The following CDH15 variants were observed in gnomAD, a reference collection of about 807,000 sequenced individuals.
CDH15 encodes cadherin-15.
CDH15 carries 73 observed loss-of-function variants against 69.4 expected under a neutral mutation model. The ratio of observed to expected loss-of-function variants is 1.05; its 90% CI spans 0.87 to 1.28. CDH15 has a LOEUF of 1.28. Among genes scored for constraint, CDH15 ranks in the 50% most tolerant of loss-of-function variants. The pLI, the probability that CDH15 is intolerant of heterozygous loss-of-function variation, is 0.00. For missense variants in CDH15, 1,343 were observed against 1,133.6 expected (o/e 1.18, Z -2.65); for synonymous variants, 624 against 507.7 (o/e 1.23, Z -3.08).
chr16:89,194,014 G>A (rs1915727892), intron 13 of CDH15, 101 bp downstream of exon 13: 1 of 1,344,746 alleles, frequency 7.4e-7, no homozygotes, highest in Non-Finnish European at 1.0e-6. Flanking sequence ...ACCGGCGCCT[G>A]CATGCACTTA....
intron 10 of CDH15, 80 bp from the exon 11 acceptor site, chr16:89,192,125 A>T (rs1352131132): frequency 8.9e-6 from 13 of 1,452,764 alleles, no homozygotes; most frequent in Non-Finnish European, 1.2e-5. Context: ...CGGGATCCCC[A>T]CCCTGTCTCG....
rs770080908 is a variant in CDH15 at position 89,180,974 on chromosome 16, C to CTTTTTTTTTTTTTTTTTTTTTT, written c.357+632_357+633insTTTTTTTTTTTTTTTTTTTTTT. Among the ~76,000 whole-genome samples the CTTTTTTTTTTTTTTTTTTTTTT allele has an allele frequency of 4.2e-4, 41 of 96,984 alleles. 7 individuals carry two copies. The highest frequency in any genetic ancestry group is 1.9e-3 in the East Asian group (4 of 2,128). The allele number at this position is 96,984 out of a possible 152,430, so 63.6% of individuals were successfully genotyped here. A position where few individuals can be genotyped will look rare whatever the true frequency, so the allele number is the denominator to read the frequency against. ...TCCTGAGTGAGCCACCGCGCCCGACCTTTTTTTTTTTTTGAGATGGAGCTT... is the reference window on the plus strand; with the variant it reads ...TCCTGAGTGAGCCACCGCGCCCGACCTTTTTTTTTTTTTTTTTTTTTTTTTTTTTTTTTTTGAGATGGAGCTT... On this transcript the variant is annotated intron_variant, in intron 3 of 13. Coordinates refer to ENST00000289746, the MANE Select transcript of CDH15 (RefSeq NM_004933.3).
intron 1 of CDH15, among the ~76,000 whole-genome samples, chr16:89,175,538 G>T (rs369316049): frequency 4.6e-5 from 7 of 152,358 alleles, no homozygotes; most frequent in African/African-American, 1.7e-4. Flanking sequence ...ACCACCACAG[G>T]CTCCCGGGGG....
At chr16:89,191,968 G>T (rs1915657279) in intron 10 of CDH15, 74 bp downstream of exon 10, 1 of 1,418,256 alleles carries the variant, frequency 7.1e-7, no homozygotes, top group Non-Finnish European at 9.5e-7. Flanking sequence ...CTCGGACGGG[G>T]GCAGGAGGGT....
rs772048487 is a variant in CDH15, at chr16:89,179,414, A to G, written c.43-2A>G. The G allele has an allele frequency of 1.7e-5, 28 of 1,613,434 alleles. No homozygotes were observed. The Admixed American group carries it at 3.8e-4, about 22-fold the overall frequency. On this transcript the variant is annotated splice_acceptor_variant, in intron 1 of 13. Transcript: ENST00000289746. LOFTEE classifies it high-confidence loss of function. ...TGTGGGACGCATCTGTCTTTGTTGCAGAGCCTCTGCCTGTCTTTGGGGGTT... is the reference window on the plus strand; with the variant it reads ...TGTGGGACGCATCTGTCTTTGTTGCGGAGCCTCTGCCTGTCTTTGGGGGTT...
intron 8 of CDH15, 56 bp downstream of exon 8, chr16:89,190,552 T>C: frequency 2.6e-6 from 4 of 1,551,626 alleles, no homozygotes; most frequent in Non-Finnish European, 3.5e-6. Context: ...CCATTCCTGC[T>C]TCGGGTGCCC....
Position 89,191,765 on chromosome 16 carries a change from C to A in CDH15, c.1486C>A (p.His496Asn). 6.2e-7 allele frequency: 1 copy of A among 1,606,666 alleles called. No homozygotes were observed. Among genetic ancestry groups the A allele is most frequent in the South Asian group, 1.1e-5 (1 of 91,038 alleles). The change falls in exon 10 of 14, where the codon CAC becomes AAC. Residue 496 changes from histidine (H) to asparagine (N), a missense_variant. Transcript: ENST00000289746. ...GCCGGGCAGCCTGTGCAGCGAGCCA[C>A]ACCAAGGCCCAGGCCTCCTCCTGGG... ...PPPGSLCSEP[H>N]QGPGLLLGAT... is the part of the protein sequence containing the mutation.
At chr16:89,172,798 C>T (rs113693994) in intron 1 of CDH15, among the ~76,000 whole-genome samples, 7,713 of 152,256 alleles carry the variant, frequency 0.051, 261 homozygotes, top group East Asian at 0.14. Context: ...GTGGTTGGGA[C>T]GTCACTGGGT....
chr16:89,182,455 A>G (rs1349041379), intron 3 of CDH15, among the ~76,000 whole-genome samples: 4 of 150,992 alleles, frequency 2.6e-5, no homozygotes, highest in Non-Finnish European at 5.9e-5. Context: ...AGTCTGGCCA[A>G]CATGGCAAAA....
At chr16:89,188,814 G>GCA (rs1295808241) in intron 7 of CDH15, among the ~76,000 whole-genome samples, 1 of 89,518 alleles carries the variant, frequency 1.1e-5, no homozygotes, top group African/African-American at 4.6e-5. Flanking sequence ...ACACATGCTG[G>GCA]CACACAGATG....
In CDH15 at chr16:89,187,562, T is replaced by G; in HGVS notation, c.792+5T>G. 1 of 1,613,412 alleles carries G rather than the reference T, an allele frequency of 6.2e-7. No individual in the cohort carries two copies. Among genetic ancestry groups the G allele is most frequent in the Non-Finnish European group, 8.5e-7 (1 of 1,180,032 alleles). ...CCCGAGTTCACCAGGGATGAGGTGC[T>G]GCTGCTGTCCCTCCCTCGAAAGTAG... On this transcript the variant is annotated splice_donor_5th_base_variant and intron_variant, in intron 6 of 13. Coordinates refer to ENST00000289746, the MANE Select transcript of CDH15 (RefSeq NM_004933.3).
intron 6 of CDH15, 74 bp downstream of exon 6, chr16:89,187,631 G>T (rs1915519753): frequency 8.2e-6 from 13 of 1,590,056 alleles, no homozygotes; most frequent in Admixed American, 1.7e-5. Context: ...CCTGCAGAAG[G>T]CAGCGGGCTT....
chr16:89,193,553 C>T lies in CDH15; in HGVS notation c.1939C>T (p.Leu647Phe), dbSNP rs1283599579. The T allele has an allele frequency of 6.2e-7, 1 of 1,611,228 alleles. No individual in the cohort carries two copies. Among genetic ancestry groups the T allele is most frequent in the Non-Finnish European group, 8.5e-7 (1 of 1,179,482 alleles). Residue 647 changes from leucine (L) to phenylalanine (F), a missense_variant, in exon 12 of 14, where the codon CTT becomes TTT. Transcript: ENST00000289746. Reference sequence around the variant, plus strand: ...GCTGCTGCACGGCCCCCAGGACGACCTTCGAGACAATGTCCTCAACTACGA... The same window carrying T: ...GCTGCTGCACGGCCCCCAGGACGACTTTCGAGACAATGTCCTCAACTACGA... ...KGLLHGPQDD[L>F]RDNVLNYDEQ...
intron 5 of CDH15, 194 bp downstream of exon 5, chr16:89,185,527 C>T (rs1034982619): frequency 2.8e-5 from 20 of 710,512 alleles, no homozygotes; most frequent in South Asian, 9.8e-5. Context: ...CGCGCTGGCC[C>T]GGGTGGGAGG....
chr16:89,178,242 C>T (rs868048765), intron 1 of CDH15, among the ~76,000 whole-genome samples: 18 of 152,120 alleles, frequency 1.2e-4, no homozygotes, highest in Admixed American at 3.9e-4. Context: ...GGGTCTTTAC[C>T]GGCCTGAGGG....
chr16:89,186,450 C>T (rs189637802), intron 5 of CDH15, among the ~76,000 whole-genome samples: 3 of 137,220 alleles, frequency 2.2e-5, no homozygotes, highest in Admixed American at 7.1e-5. Flanking sequence ...GCTCACCCAG[C>T]GCACAGAAGG....
At chr16:89,185,059 A>G in intron 4 of CDH15, 114 bp from the exon 5 acceptor site, 2 of 1,015,460 alleles carry the variant, frequency 2.0e-6, no homozygotes, top group Non-Finnish European at 1.5e-6. Context: ...ATCTGGGGTC[A>G]GCCGTGCTGG....
intron 1 of CDH15, among the ~76,000 whole-genome samples, chr16:89,173,882 G>A (rs1460155146): frequency 6.6e-6 from 1 of 152,242 alleles, no homozygotes; most frequent in Non-Finnish European, 1.5e-5. Flanking sequence ...CCCCAGCTGG[G>A]AGGCGGCTGA....
intron 5 of CDH15, 183 bp downstream of exon 5, chr16:89,185,516 C>A: frequency 1.3e-6 from 1 of 742,540 alleles, no homozygotes; most frequent in South Asian, 1.6e-5. Flanking sequence ...CAGACAGGAG[C>A]CGCGCTGGCC....
Sources: allele counts gnomAD v4.1 joint callset (sites outside exome capture counted in the v4.1 genomes callset), GRCh38; gene constraint gnomAD v4.1.1; transcripts MANE v1.5; gene names NCBI Gene and HGNC (gene_info 2026-07-23, HGNC 2026-07-21).